The following HIBCH variants were observed in gnomAD, a reference collection of about 807,000 sequenced individuals.
HIBCH encodes 3-hydroxyisobutyryl-CoA hydrolase, mitochondrial.
In HIBCH, 50 loss-of-function variants were observed where a neutral mutation model predicts 58.2. That is an observed-to-expected ratio of 0.86 (90% CI 0.68 to 1.09). The LOEUF is 1.09. Ranked by LOEUF, HIBCH falls within the 50% of genes least tolerant of loss-of-function variation. The pLI is 0.00. For missense variants in HIBCH, 450 were observed against 449.7 expected (o/e 1.00, Z -0.01); for synonymous variants, 151 against 146.9 (o/e 1.03, Z -0.20).
chr2:190,224,298 T>C (rs916921159), intron 11 of HIBCH, among the ~76,000 whole-genome samples: 9 of 152,262 alleles, frequency 5.9e-5, no homozygotes, highest in Non-Finnish European at 1.2e-4. Flanking sequence ...CAAGGACGCC[T>C]GCCTGCCTCT....
At chr2:190,283,312 C>A (rs1275846046) in intron 6 of HIBCH, among the ~76,000 whole-genome samples, 1 of 152,124 alleles carries the variant, frequency 6.6e-6, no homozygotes, top group East Asian at 1.9e-4. Flanking sequence ...TTCTGCCAAA[C>A]CACTCACCCC....
chr2:190,275,470 G>C (rs1185852782), intron 6 of HIBCH, among the ~76,000 whole-genome samples: 1 of 152,146 alleles, frequency 6.6e-6, no homozygotes, highest in Non-Finnish European at 1.5e-5. Context: ...TTACTAATTT[G>C]TCATAACATA....
chr2:190,260,932 T>C (rs1389938550), intron 7 of HIBCH, among the ~76,000 whole-genome samples: 1 of 152,180 alleles, frequency 6.6e-6, no homozygotes, highest in Non-Finnish European at 1.5e-5. Context: ...TTATTTATAG[T>C]GTGTTAATGT....
chr2:190,272,965 A>T (rs1247834107), intron 6 of HIBCH, among the ~76,000 whole-genome samples: 1 of 152,216 alleles, frequency 6.6e-6, no homozygotes, highest in Non-Finnish European at 1.5e-5. Context: ...CAGCAAAGGA[A>T]CATCACTTAG....
In HIBCH at chr2:190,197,028, C is replaced by G. The variant is rs1001352481; in HGVS notation, c.*18-7031G>C. ...TTGTGAAGGCCTGCTTTGTGGTTTA[C>G]AGCTTTTCACTGTGGCCTCACATGT... is the stretch of plus-strand genomic sequence containing the variant. On this transcript the variant is annotated intron_variant, in intron 1 of 1. Coordinates refer to the HIBCH transcript ENST00000399855. This position sits in a 1 kb window ranked among gnomAD's most constrained non-coding sequence, Gnocchi z 4.0. Among the ~76,000 whole-genome samples the G allele has an allele frequency of 4.2e-4, 64 of 152,104 alleles. No individual in the cohort carries two copies. Among genetic ancestry groups the G allele is most frequent in the African/African-American group, 1.5e-3 (62 of 41,406 alleles).
chr2:190,287,856 G>A (rs559152709), intron 5 of HIBCH, among the ~76,000 whole-genome samples: 5 of 152,098 alleles, frequency 3.3e-5, no homozygotes, highest in Admixed American at 6.5e-5. Flanking sequence ...CTTAACCTTC[G>A]ATTTTAAACA....
At chr2:190,295,065 C>T (rs992675264) in intron 3 of HIBCH, among the ~76,000 whole-genome samples, 7 of 152,104 alleles carry the variant, frequency 4.6e-5, no homozygotes, top group African/African-American at 1.2e-4. Flanking sequence ...ACTCTTAATA[C>T]GTAAGTAACA....
chr2:190,270,258 GTTATTACACC>G (rs1687354743), intron 6 of HIBCH, among the ~76,000 whole-genome samples: 1 of 126,606 alleles, frequency 7.9e-6, no homozygotes, highest in African/African-American at 3.0e-5. Context: ...AATAAATTTA[GTTATTACACC>G]TTTTTTTTTT....
chr2:190,268,923 C>A (rs1687314551), intron 6 of HIBCH, among the ~76,000 whole-genome samples: 1 of 152,122 alleles, frequency 6.6e-6, no homozygotes, highest in Non-Finnish European at 1.5e-5. Flanking sequence ...TCAGAAATAA[C>A]ACCACATATC....
At position 190,244,919 on chromosome 2, in the gene HIBCH, C is replaced by T; in HGVS notation, c.859G>A (p.Asp287Asn). The T allele has an allele frequency of 1.2e-6, 2 of 1,611,982 alleles. No individual in the cohort carries two copies. The highest frequency in any genetic ancestry group is 3.3e-4 in the Middle Eastern group (2 of 6,060). The change falls in exon 11 of 14, where the codon GAT becomes AAT. Residue 287 changes from aspartate (D) to asparagine (N), a missense_variant. By Grantham distance (23) the Asp-to-Asn change is conservative. Transcript: ENST00000359678. Reference protein sequence around the residue: ...VEEIIENLQQDGSSFALEQLK... With the variant: ...VEEIIENLQQNGSSFALEQLK... ...TGCTCTAGGGCAAAAGATGAACCATCTTGCTGTAAGTTTTCAATAATTTCT... is the reference window on the plus strand; with the variant it reads ...TGCTCTAGGGCAAAAGATGAACCATTTTGCTGTAAGTTTTCAATAATTTCT...
At chr2:190,202,436 T>C (rs1228579472), downstream of HIBCH, 2 of 166,496 alleles carry the variant, frequency 1.2e-5, no homozygotes, top group East Asian at 3.9e-4. Flanking sequence ...AATAAACAAA[T>C]GAAAAAAGAT....
intron 11 of HIBCH, among the ~76,000 whole-genome samples, chr2:190,218,822 C>G (rs1429739842): frequency 6.6e-6 from 1 of 152,202 alleles, no homozygotes; most frequent in Non-Finnish European, 1.5e-5. Context: ...CTCTTTCCCA[C>G]CTTGCAAAGG....
chr2:190,294,954 AAT>A (rs998369641), intron 3 of HIBCH, among the ~76,000 whole-genome samples: 4 of 152,214 alleles, frequency 2.6e-5, no homozygotes, highest in African/African-American at 7.2e-5. Flanking sequence ...GCATAATAAT[AAT>A]ATGTTACATA....
chr2:190,265,349 T>A (rs1428606039), intron 6 of HIBCH, among the ~76,000 whole-genome samples: 1 of 152,140 alleles, frequency 6.6e-6, no homozygotes, highest in Non-Finnish European at 1.5e-5. Flanking sequence ...CCTTGATGAT[T>A]AATACAGTTG....
At chr2:190,312,278 C>G (rs1159271909) in intron 1 of HIBCH, among the ~76,000 whole-genome samples, 2 of 152,134 alleles carry the variant, frequency 1.3e-5, no homozygotes. Context: ...ATAGCTCTTG[C>G]ACTCGAGAAA....
At chr2:190,299,456 A>C (rs1688199757) in intron 2 of HIBCH, among the ~76,000 whole-genome samples, 1 of 152,154 alleles carries the variant, frequency 6.6e-6, no homozygotes, top group South Asian at 2.1e-4. Flanking sequence ...AAACTTTAGC[A>C]ACAGTAAGAT....
At position 190,252,634 on chromosome 2, in the gene HIBCH, T is replaced by C. The variant is rs576793405; in HGVS notation, c.518-327A>G. Among the ~76,000 whole-genome samples, 108 of 152,100 alleles carry C rather than the reference T, an allele frequency of 7.1e-4. 2 individuals carry two copies. The South Asian group carries it at 0.021, about 29-fold the overall frequency. On this transcript the variant is annotated intron_variant, in intron 7 of 13. Coordinates refer to ENST00000359678, the MANE Select transcript of HIBCH (RefSeq NM_014362.4). ...ATCTACTTTTGAAGAATCTCCAAAA[T>C]AGGTAAAAATTTCAAAAAAATTTAT... is the stretch of plus-strand genomic sequence containing the variant.
intron 11 of HIBCH, among the ~76,000 whole-genome samples, chr2:190,233,353 G>A (rs959227095): frequency 1.3e-5 from 2 of 152,154 alleles, no homozygotes; most frequent in Non-Finnish European, 2.9e-5. Context: ...ATTCCCACGT[G>A]TTGTGAGACA....
At chr2:190,275,168 C>G (rs147485046) in intron 6 of HIBCH, among the ~76,000 whole-genome samples, 1 of 151,830 alleles carries the variant, frequency 6.6e-6, no homozygotes, top group Admixed American at 6.6e-5. Context: ...CATTTCTATT[C>G]GAAAATGCAA....
Sources: gnomAD v4.1 joint callset for allele counts (sites outside exome capture counted in the v4.1 genomes callset) on GRCh38, gnomAD v4.1.1 for gene constraint, Gnocchi (gnomAD v3.1) non-coding constraint, MANE v1.5 for transcripts, NCBI Gene and HGNC (gene_info 2026-07-23, HGNC 2026-07-21) for gene names.